SLC7A1: variants seen among roughly 807,000 people sequenced by gnomAD.
The protein encoded by SLC7A1 is solute carrier family 7 member 1, also known as high affinity cationic amino acid transporter 1.
Under a neutral mutation model 53.9 loss-of-function variants are expected in SLC7A1, and 10 were observed. The ratio of observed to expected loss-of-function variants is 0.19; its 90% CI spans 0.11 to 0.31. The LOEUF is 0.31. Ranked by LOEUF, SLC7A1 falls within the 10% of genes least tolerant of loss-of-function variation. SLC7A1 has a pLI of 1.00. For synonymous variants in SLC7A1, 342 were observed against 338.7 expected, an observed-to-expected ratio of 1.01 and a Z score of -0.11; for missense variants, 525 against 827.2, an observed-to-expected ratio of 0.63 and a Z score of 4.48.
chr13:29,512,683 ACT>A lies in SLC7A1; in HGVS notation c.*1795_*1796del, dbSNP rs1459694731. 1 of 152,070 alleles carries A rather than the reference ACT, an allele frequency of 6.6e-6. No individual in the cohort carries two copies. The allele number at this position is 152,070 out of a possible 1,614,324, so 9.4% of individuals were successfully genotyped here. ...ACCAATCTCCATAAATGTCAATATC[ACT>A]CTTTGGAAATCGGAGCTCTGGGCTC... On this transcript the variant is annotated 3_prime_UTR_variant, in exon 13 of 13. Transcript: ENST00000380752.
At chr13:29,583,394 G>A (rs1432874793) in intron 1 of SLC7A1, among the ~76,000 whole-genome samples, 1 of 152,194 alleles carries the variant, frequency 6.6e-6, no homozygotes, top group South Asian at 2.1e-4. Context: ...GGGTGGAATC[G>A]TGCTTTCTTC....
At chr13:29,592,578 T>C (rs1343215487) in intron 1 of SLC7A1, among the ~76,000 whole-genome samples, 3 of 152,208 alleles carry the variant, frequency 2.0e-5, no homozygotes, top group South Asian at 4.1e-4. Context: ...TGACAGATCA[T>C]GACCCACACT....
chr13:29,542,973 G>T (rs1869734135), intron 2 of SLC7A1, among the ~76,000 whole-genome samples: 1 of 152,184 alleles, frequency 6.6e-6, no homozygotes, highest in African/African-American at 2.4e-5. Context: ...CTGACTCCAG[G>T]CAGCTAGTGA....
At chr13:29,540,369 G>A (rs1199903942) in intron 2 of SLC7A1, among the ~76,000 whole-genome samples, 2 of 152,104 alleles carry the variant, frequency 1.3e-5, no homozygotes, top group African/African-American at 4.8e-5. Flanking sequence ...TTACCTGAGG[G>A]GTATCCTCAG....
chr13:29,594,390 A>T (rs1872223074), intron 1 of SLC7A1, among the ~76,000 whole-genome samples: 1 of 152,176 alleles, frequency 6.6e-6, no homozygotes, highest in Non-Finnish European at 1.5e-5. Context: ...AATGTAGGTT[A>T]TTTATTTATT....
At chr13:29,528,992 C>A (rs1869026370) in intron 5 of SLC7A1, among the ~76,000 whole-genome samples, 1 of 152,206 alleles carries the variant, frequency 6.6e-6, no homozygotes, top group African/African-American at 2.4e-5. Context: ...TATTTCATTC[C>A]TGACCTATAA....
chr13:29,581,261 T>C (rs1286976572), intron 1 of SLC7A1, among the ~76,000 whole-genome samples: 1 of 152,130 alleles, frequency 6.6e-6, no homozygotes, highest in Non-Finnish European at 1.5e-5. Context: ...GATCAAGGAA[T>C]GTTCTGGGAG....
chr13:29,514,853 G>A (rs1169304563), intron 12 of SLC7A1, among the ~76,000 whole-genome samples: 1 of 152,230 alleles, frequency 6.6e-6, no homozygotes, highest in East Asian at 1.9e-4. Flanking sequence ...GAGCAGCTGG[G>A]CCAGGGCCAC....
At chr13:29,524,047 T>C in intron 6 of SLC7A1, 85 bp downstream of exon 6, 1 of 1,396,054 alleles carries the variant, frequency 7.2e-7, no homozygotes, top group Non-Finnish European at 1.0e-6. Flanking sequence ...GACTGGACCG[T>C]GCCAGCAAGG....
chr13:29,588,531 T>C (rs1159497598), intron 1 of SLC7A1, among the ~76,000 whole-genome samples: 1 of 149,712 alleles, frequency 6.7e-6, no homozygotes, highest in Admixed American at 6.6e-5. Flanking sequence ...TGAGACAGTA[T>C]CTCACTCTGT....
chr13:29,523,569 G>T, intron 6 of SLC7A1, 81 bp from the exon 7 acceptor site: 1 of 1,082,172 alleles, frequency 9.2e-7, no homozygotes, highest in Non-Finnish European at 1.4e-6. Context: ...AGGCCTCTCA[G>T]TGCCCCGGAA....
intron 1 of SLC7A1, among the ~76,000 whole-genome samples, chr13:29,573,405 C>T (rs1017221783): frequency 6.6e-6 from 1 of 152,158 alleles, no homozygotes; most frequent in Non-Finnish European, 1.5e-5. Flanking sequence ...TCGCGGGGAA[C>T]ACCACACTCT....
chr13:29,537,612 C>T (rs570933600), intron 2 of SLC7A1, among the ~76,000 whole-genome samples: 29 of 152,290 alleles, frequency 1.9e-4, no homozygotes, highest in African/African-American at 6.7e-4. Context: ...AAGTAAGATA[C>T]ACGTTCCTAA....
intron 1 of SLC7A1, among the ~76,000 whole-genome samples, chr13:29,573,401 G>A (rs547705652): frequency 6.6e-6 from 1 of 152,228 alleles, no homozygotes; most frequent in East Asian, 1.9e-4. Flanking sequence ...AGAATCGCGG[G>A]GAACACCACA....
rs559284133 is a variant in SLC7A1 at position 29,511,343 on chromosome 13, G to T, written c.*3137C>A. 3 of 152,378 alleles carry T rather than the reference G, an allele frequency of 2.0e-5. No homozygotes were observed. The highest frequency in any genetic ancestry group is 2.9e-5 in the Non-Finnish European group (2 of 68,068). 9.4% of individuals were successfully genotyped at this position (152,378 alleles called of 1,614,324 possible). ...CACAGTGGAAAGAGTTTTTACTGCT[G>T]CAAAAACCAAAAGTGGGGGGAGATC... On this transcript the variant is annotated 3_prime_UTR_variant, in exon 13 of 13. Transcript: ENST00000380752.
intron 1 of SLC7A1, among the ~76,000 whole-genome samples, chr13:29,582,075 GA>G (rs1373617815): frequency 1.3e-5 from 2 of 152,216 alleles, no homozygotes; most frequent in Non-Finnish European, 2.9e-5. Context: ...TAACCTACAA[GA>G]GGGGAACTGT....
At chr13:29,570,802 G>A (rs1235793115) in intron 1 of SLC7A1, among the ~76,000 whole-genome samples, 1 of 151,166 alleles carries the variant, frequency 6.6e-6, no homozygotes, top group African/African-American at 2.4e-5. Context: ...AGGTGGCAGT[G>A]AGCCATGATC....
chr13:29,574,477 C>T (rs1871326514), intron 1 of SLC7A1, among the ~76,000 whole-genome samples: 1 of 152,198 alleles, frequency 6.6e-6, no homozygotes. Context: ...AAGTCAGTGC[C>T]AGCACCTGTA....
chr13:29,567,345 G>T (rs945263268), intron 1 of SLC7A1, among the ~76,000 whole-genome samples: 1 of 152,150 alleles, frequency 6.6e-6, no homozygotes, highest in East Asian at 1.9e-4. Flanking sequence ...AAAAAGAATA[G>T]GGTGGCTTAC....
Sources: gnomAD v4.1 joint callset for allele counts (sites outside exome capture counted in the v4.1 genomes callset) on GRCh38, gnomAD v4.1.1 for gene constraint, MANE v1.5 for transcripts, NCBI Gene and HGNC (gene_info 2026-07-23, HGNC 2026-07-21) for gene names.